TAF5: variants seen among roughly 807,000 people sequenced by gnomAD.
TAF5 encodes TATA-box binding protein associated factor 5.
Under a neutral mutation model 80.9 loss-of-function variants are expected in TAF5, and 20 were observed. That is an observed-to-expected ratio of 0.25 (90% CI 0.17 to 0.36). The LOEUF is 0.36. Among genes scored for constraint, TAF5 ranks in the 10% least tolerant of loss-of-function variants. The probability of loss-of-function intolerance (pLI) is 1.00; values close to 1 mark genes in which losing one functional copy is unlikely to be tolerated. For missense variants in TAF5, 863 were observed against 1,029.4 expected (o/e 0.84, Z 2.21); for synonymous variants, 388 against 406.4 (o/e 0.95, Z 0.55).
Position 103,368,203 on chromosome 10 carries a change from G to A in TAF5, c.214G>A (p.Ala72Thr), listed in dbSNP as rs1242775232. The change falls in exon 1 of 11, where the codon GCC (alanine) becomes ACC (threonine). Residue 72 changes from alanine to threonine, a missense_variant. Transcript: ENST00000369839. ...CCCCAAGCCCACGGTGGCTGTCTCC[G>A]CCGCTGCCCCGGCGGGGGCGGCCCC... ...GTPKPTVAVS[A>T]AAPAGAAPVP... 6 of 1,400,912 alleles carry A rather than the reference G, an allele frequency of 4.3e-6. No homozygotes were observed. The highest frequency in any genetic ancestry group is 1.5e-5 in the African/African-American group (1 of 66,470). 86.8% of individuals were successfully genotyped at this position (1,400,912 alleles called of 1,614,324 possible).
chr10:103,379,983 C>T lies in TAF5; in HGVS notation c.1377C>T (p.Pro459=). The change falls in exon 5 of 11, where the codon CCC becomes CCT. Residue 459 remains proline, a synonymous_variant. Coordinates refer to ENST00000369839, the MANE Select transcript of TAF5 (RefSeq NM_006951.5). ...TGCGCCTTGGGCCGGACTGCTTACC[C>T]TCCATTTGTTTCTATACATTTCTCA... is the stretch of plus-strand genomic sequence containing the variant. ...KRVRLGPDCL[P]SICFYTFLNA... The T allele has an allele frequency of 6.2e-7, 1 of 1,613,922 alleles. No individual in the cohort carries two copies. The highest frequency in any genetic ancestry group is 1.7e-5 in the Admixed American group (1 of 59,964).
chr10:103,388,017 A>C lies in TAF5; in HGVS notation c.2197A>C (p.Asn733His). 6.2e-7 allele frequency: 1 copy of C among 1,613,966 alleles called. No individual in the cohort carries two copies. The highest frequency in any genetic ancestry group is 8.5e-7 in the Non-Finnish European group (1 of 1,179,878). The change falls in exon 11 of 11, where the codon AAT (asparagine) becomes CAT (histidine). Residue 733 changes from asparagine (N) to histidine (H), a missense_variant. Coordinates refer to ENST00000369839, the MANE Select transcript of TAF5 (RefSeq NM_006951.5). ...TGACTTCCCCTTAGGTTCAATGGAT[A>C]ATACAGTTCGATTATGGGATGCTAT... is the stretch of plus-strand genomic sequence containing the variant. ...GEILASGSMDNTVRLWDAIKA... is the reference protein window; with the variant it reads ...GEILASGSMDHTVRLWDAIKA...
At chr10:103,383,465 T>C in intron 7 of TAF5, 98 bp downstream of exon 7, 2 of 1,229,288 alleles carry the variant, frequency 1.6e-6, no homozygotes, top group Non-Finnish European at 2.2e-6. Context: ...GGGAAAATTC[T>C]GATAAAAATC....
chr10:103,371,964 G>A (rs141245608), intron 1 of TAF5, among the ~76,000 whole-genome samples: 171 of 150,416 alleles, frequency 1.1e-3, no homozygotes, highest in Middle Eastern at 3.4e-3. Flanking sequence ...TTGAGACGGA[G>A]TCTTGCTCTG....
chr10:103,375,119 C>CAAAAAAAAAAAAAAAAAAAAAAAAAAAA (rs914374305), intron 2 of TAF5, among the ~76,000 whole-genome samples: 1 of 80,650 alleles, frequency 1.2e-5, no homozygotes, highest in African/African-American at 5.7e-5. Flanking sequence ...GACCCTGTCT[C>CAAAAAAAAAAAAAAAAAAAAAAAAAAAA]AAAAAAAAAA....
At position 103,371,245 on chromosome 10, in the gene TAF5, CAA is replaced by C. The variant is rs142170443; in HGVS notation, c.560-2099_560-2098del. Among the ~76,000 whole-genome samples the C allele has an allele frequency of 9.8e-4, 106 of 108,230 alleles. 1 individual carries two copies. The highest frequency in any genetic ancestry group is 1.8e-3 in the Admixed American group (20 of 11,074). 71.0% of individuals were successfully genotyped at this position (108,230 alleles called of 152,430 possible). A position where few individuals can be genotyped will look rare whatever the true frequency, so the allele number is the denominator to read the frequency against. ...GTGACAGAGCAAAACTCCGTCTTTA[CAA>C]AAAAAAAAAAAAAGAGAGAGGAATC... is the stretch of plus-strand genomic sequence containing the variant. On this transcript the variant is annotated intron_variant, in intron 1 of 10. Coordinates refer to ENST00000369839, the MANE Select transcript of TAF5 (RefSeq NM_006951.5).
chr10:103,386,470 GGGGAAAA>G (rs1407306170), intron 8 of TAF5, among the ~76,000 whole-genome samples: 4 of 152,042 alleles, frequency 2.6e-5, no homozygotes, highest in Non-Finnish European at 4.4e-5. Flanking sequence ...GCCAGAACTA[GGGGAAAA>G]TACTTTTCTG....
chr10:103,368,155 T>A lies in TAF5; in HGVS notation c.166T>A (p.Ser56Thr). 7.2e-7 allele frequency: 1 copy of A among 1,394,806 alleles called. No homozygotes were observed. Among genetic ancestry groups the A allele is most frequent in the South Asian group, 1.6e-5 (1 of 63,496 alleles). The allele number at this position is 1,394,806 out of a possible 1,614,324, so 86.4% of individuals were successfully genotyped here. ...CGGCGGGAACGTTGCGGCGTCGTCG[T>A]CCACTGGCGGGGATGGCGGGACCCC... is the stretch of plus-strand genomic sequence containing the variant. ...GGGGNVAASS[S>T]TGGDGGTPKP... Residue 56 changes from serine to threonine, a missense_variant, in exon 1 of 11, where the codon TCC (serine) becomes ACC (threonine). This residue lies in a region of TAF5 where 367 missense variants were observed against 335.5 expected (regional missense o/e 1.09). Coordinates refer to ENST00000369839, the MANE Select transcript of TAF5 (RefSeq NM_006951.5).
chr10:103,387,881 T>G (rs1453743093), intron 10 of TAF5, 125 bp from the exon 11 acceptor site: 1 of 1,110,338 alleles, frequency 9.0e-7, no homozygotes, highest in Non-Finnish European at 1.3e-6. Context: ...TAGGAAGGAA[T>G]AGAGTTATTG....
intron 6 of TAF5, among the ~76,000 whole-genome samples, chr10:103,382,209 T>A (rs1375106612): frequency 6.6e-6 from 1 of 152,224 alleles, no homozygotes; most frequent in Non-Finnish European, 1.5e-5. Context: ...GGATTTTATT[T>A]GAAAGTTTTT....
At chr10:103,387,894 C>T in intron 10 of TAF5, 112 bp from the exon 11 acceptor site, 2 of 1,182,718 alleles carry the variant, frequency 1.7e-6, no homozygotes, top group Non-Finnish European at 2.4e-6. Flanking sequence ...AGTTATTGGT[C>T]AAGTTTAGAT....
At position 103,368,389 on chromosome 10, in the gene TAF5, G is replaced by A. The variant is rs545933773; in HGVS notation, c.400G>A (p.Gly134Arg). Residue 134 changes from glycine (G) to arginine (R), a missense_variant, in exon 1 of 11, where the codon GGA (glycine) becomes AGA (arginine). Gly to Arg is a moderately radical substitution (Grantham distance 125, BLOSUM62 -2). Coordinates refer to ENST00000369839, the MANE Select transcript of TAF5 (RefSeq NM_006951.5). ...GGCAGTGGCGGGCTCCGGAGCCCCGGGAGAGGTGGACAGCGCCGGCGCTGA... is the reference window on the plus strand; with the variant it reads ...GGCAGTGGCGGGCTCCGGAGCCCCGAGAGAGGTGGACAGCGCCGGCGCTGA... Reference protein sequence around the residue: ...EEAVAGSGAPGEVDSAGAEVT... With the variant: ...EEAVAGSGAPREVDSAGAEVT... 1.9e-6 allele frequency: 3 copies of A among 1,563,014 alleles called. No homozygotes were observed. Among genetic ancestry groups the A allele is most frequent in the Admixed American group, 3.8e-5 (2 of 53,322 alleles).
Position 103,385,366 on chromosome 10 carries a change from T to A in TAF5, c.1705T>A (p.Leu569Met). Residue 569 changes from leucine to methionine, a missense_variant, in exon 8 of 11, where the codon TTG (leucine) becomes ATG (methionine). Transcript: ENST00000369839. ...CTCTTCAGAGGACGGAACTGTTAGA[T>A]TGTGGAGCCTTCAAACATTTACTTG... ...LSSSEDGTVR[L>M]WSLQTFTCLV... 6.2e-7 allele frequency: 1 copy of A among 1,613,772 alleles called. No individual in the cohort carries two copies. Among genetic ancestry groups the A allele is most frequent in the Non-Finnish European group, 8.5e-7 (1 of 1,179,762 alleles).
intron 1 of TAF5, among the ~76,000 whole-genome samples, chr10:103,372,137 A>G (rs900062126): frequency 2.7e-4 from 41 of 149,924 alleles, no homozygotes; most frequent in African/African-American, 9.6e-4. Context: ...GGGTTTCACT[A>G]TGTTGGCCAG....
rs769125896 is a variant in TAF5 at position 103,381,743 on chromosome 10, C to T, written c.1436C>T (p.Thr479Ile). 1.1e-5 allele frequency: 17 copies of T among 1,614,028 alleles called. No individual in the cohort carries two copies. The highest frequency in any genetic ancestry group is 1.4e-5 in the Non-Finnish European group (16 of 1,180,034). Residue 479 changes from threonine (T) to isoleucine (I), a missense_variant, in exon 6 of 11, where the codon ACT becomes ATT. Transcript: ENST00000369839. ...AYQGLTAVDV[T>I]DDSSLIAGGF... ...CAGGGTCTCACTGCAGTGGATGTCA[C>T]TGATGATTCTAGTCTGATTGCTGGA...
In TAF5 at chr10:103,387,512, T is replaced by C. The variant is rs973187784; in HGVS notation, c.2008-9T>C. ...CATACTTTGATCTTTTCTATGAACTTTTTTCTAGGGACCAATTCATTCCTT... is the reference window on the plus strand; with the variant it reads ...CATACTTTGATCTTTTCTATGAACTCTTTTCTAGGGACCAATTCATTCCTT... On this transcript the variant is annotated splice_polypyrimidine_tract_variant and intron_variant, in intron 9 of 10. Coordinates refer to ENST00000369839, the MANE Select transcript of TAF5 (RefSeq NM_006951.5). 6.2e-6 allele frequency: 10 copies of C among 1,603,162 alleles called. No homozygotes were observed. Among genetic ancestry groups the C allele is most frequent in the Non-Finnish European group, 8.5e-6 (10 of 1,175,608 alleles).
chr10:103,375,119 C>CAA (rs914374305), intron 2 of TAF5, among the ~76,000 whole-genome samples: 981 of 79,972 alleles, frequency 0.012, 13 homozygotes, highest in Non-Finnish European at 0.016. Flanking sequence ...GACCCTGTCT[C>CAA]AAAAAAAAAA....
At position 103,368,409 on chromosome 10, in the gene TAF5, C is replaced by T. The variant is rs773654393; in HGVS notation, c.420C>T (p.Gly140=). The T allele has an allele frequency of 8.6e-5, 135 of 1,565,908 alleles. No individual in the cohort carries two copies. The highest frequency in any genetic ancestry group is 1.1e-4 in the Non-Finnish European group (134 of 1,165,570). ...SGAPGEVDSA[G]AEVTSALLSR... is the part of the protein sequence containing the mutation. ...CCCCGGGAGAGGTGGACAGCGCCGGCGCTGAGGTGACCAGCGCGCTTCTCA... is the reference window on the plus strand; with the variant it reads ...CCCCGGGAGAGGTGGACAGCGCCGGTGCTGAGGTGACCAGCGCGCTTCTCA... Residue 140 remains glycine (G), a synonymous_variant, in exon 1 of 11, where the codon GGC becomes GGT. Coordinates refer to ENST00000369839, the MANE Select transcript of TAF5 (RefSeq NM_006951.5).
At chr10:103,384,716 G>GT (rs1424384586) in intron 7 of TAF5, among the ~76,000 whole-genome samples, 1 of 152,172 alleles carries the variant, frequency 6.6e-6, no homozygotes. Flanking sequence ...TAGGTTTTTT[G>GT]TTGCTTGATA....
Sources: gnomAD v4.1 joint callset for allele counts (sites outside exome capture counted in the v4.1 genomes callset) on GRCh38, gnomAD v4.1.1 for gene constraint, gnomAD v4.1.1 regional missense constraint, MANE v1.5 for transcripts, NCBI Gene and HGNC (gene_info 2026-07-23, HGNC 2026-07-21) for gene names.